DYM: variants seen among roughly 807,000 people sequenced by gnomAD.
DYM encodes dyggve-Melchior-Clausen syndrome protein.
Under a neutral mutation model 93.1 loss-of-function variants are expected in DYM, and 78 were observed. That is an observed-to-expected ratio of 0.84 (90% CI 0.70 to 1.01). The LOEUF (loss-of-function observed/expected upper bound fraction) is 1.01, where lower values mean the gene tolerates loss of function less well. DYM is among the 50% of genes least tolerant of loss of function. The pLI, the probability that DYM is intolerant of heterozygous loss-of-function variation, is 0.00. For missense variants in DYM, 789 were observed against 845.0 expected (o/e 0.93, Z 0.82); for synonymous variants, 321 against 319.7 (o/e 1.00, Z -0.04).
intron 14 of DYM, among the ~76,000 whole-genome samples, chr18:49,200,457 T>G (rs770746691): frequency 7.2e-5 from 11 of 151,878 alleles, no homozygotes; most frequent in Non-Finnish European, 1.0e-4. Context: ...AAAATAGCAG[T>G]ATAGAAGCTT....
chr18:49,460,007 C>T (rs1373733300), intron 1 of DYM, among the ~76,000 whole-genome samples: 2 of 152,024 alleles, frequency 1.3e-5, no homozygotes, highest in Non-Finnish European at 2.9e-5. Flanking sequence ...CTGAGTTGTA[C>T]TTTTAAAGGG....
chr18:49,292,761 T>A (rs1465898774), intron 8 of DYM, among the ~76,000 whole-genome samples: 2 of 152,070 alleles, frequency 1.3e-5, no homozygotes, highest in Non-Finnish European at 2.9e-5. Flanking sequence ...ACTCCTAAAA[T>A]CCATCTAACT....
chr18:49,386,945 CTTTTT>C (rs575238087), intron 3 of DYM, among the ~76,000 whole-genome samples: 1 of 138,366 alleles, frequency 7.2e-6, no homozygotes, highest in Non-Finnish European at 1.6e-5. Context: ...TATTTATTTA[CTTTTT>C]TTTTTTTTTT....
In DYM at chr18:49,340,338, T is replaced by TA. The variant is rs766317615; in HGVS notation, c.495-6486dup. Among the ~76,000 whole-genome samples the TA allele has an allele frequency of 7.2e-3, 1,077 of 150,244 alleles. 13 individuals carry two copies. Among genetic ancestry groups the TA allele is most frequent in the African/African-American group, 0.022 (918 of 40,858 alleles). On this transcript the variant is annotated intron_variant, in intron 6 of 17. Coordinates refer to ENST00000675505, the MANE Select transcript of DYM (RefSeq NM_001353214.3). ...AAAAACAGTTTTGAGAGGAAAAAAGTAAAAAAAAACAGAATGAGTTCTATA... is the reference window on the plus strand; with the variant it reads ...AAAAACAGTTTTGAGAGGAAAAAAGTAAAAAAAAAACAGAATGAGTTCTATA...
intron 6 of DYM, among the ~76,000 whole-genome samples, chr18:49,348,322 G>T (rs1331867924): frequency 2.0e-5 from 3 of 152,078 alleles, no homozygotes; most frequent in Non-Finnish European, 4.4e-5. Flanking sequence ...TATGGGGAAA[G>T]ACTAAAAAAT....
intron 8 of DYM, among the ~76,000 whole-genome samples, chr18:49,296,654 T>C (rs547130623): frequency 2.5e-3 from 386 of 152,326 alleles, no homozygotes; most frequent in Non-Finnish European, 4.3e-3. Context: ...CATTGGTTGA[T>C]GGACTTTTTA....
At chr18:49,379,219 A>G (rs2067805682) in intron 4 of DYM, among the ~76,000 whole-genome samples, 1 of 152,172 alleles carries the variant, frequency 6.6e-6, no homozygotes, top group African/African-American at 2.4e-5. Context: ...CTTTTCAGAG[A>G]CTGACATCCA....
At chr18:49,413,602 T>TA (rs1472209567) in intron 2 of DYM, among the ~76,000 whole-genome samples, 1 of 152,228 alleles carries the variant, frequency 6.6e-6, no homozygotes, top group African/African-American at 2.4e-5. Context: ...TTTAAAAGGA[T>TA]AAGAGTACAG....
chr18:49,101,349 T>C (rs2080118148), intron 16 of DYM, among the ~76,000 whole-genome samples: 1 of 152,198 alleles, frequency 6.6e-6, no homozygotes, highest in South Asian at 2.1e-4. Context: ...TGGCTGTAAC[T>C]CATGAAATCC....
intron 2 of DYM, among the ~76,000 whole-genome samples, chr18:49,404,442 A>T (rs1228713680): frequency 6.6e-6 from 1 of 152,188 alleles, no homozygotes; most frequent in African/African-American, 2.4e-5. Context: ...ACCCAGTAAT[A>T]GGATTGCTGG....
intron 13 of DYM, among the ~76,000 whole-genome samples, chr18:49,242,631 G>A (rs774839281): frequency 2.0e-5 from 3 of 152,108 alleles, no homozygotes; most frequent in Non-Finnish European, 4.4e-5. Context: ...GAAGTTTTGC[G>A]TCTTCTGTAG....
intron 8 of DYM, among the ~76,000 whole-genome samples, chr18:49,293,457 T>A (rs2060308239): frequency 6.6e-6 from 1 of 152,222 alleles, no homozygotes; most frequent in African/African-American, 2.4e-5. Flanking sequence ...TATAAAAGCA[T>A]TCCTATTTCT....
chr18:49,095,782 A>C (rs1331850355), intron 17 of DYM, among the ~76,000 whole-genome samples: 1 of 152,242 alleles, frequency 6.6e-6, no homozygotes, highest in Non-Finnish European at 1.5e-5. Context: ...ATAAATGAAC[A>C]AATATTAACA....
chr18:49,317,636 A>ATCCTCTCCTCTCCTCTCCTC (rs139998820), intron 8 of DYM, among the ~76,000 whole-genome samples: 2 of 39,112 alleles, frequency 5.1e-5, no homozygotes, highest in Non-Finnish European at 8.9e-5. Flanking sequence ...TCCCTCTCCT[A>ATCCTCTCCTCTCCTCTCCTC]TCCTCTCCTC....
At position 49,282,194 on chromosome 18, in the gene DYM, C is replaced by T. The variant is rs1190723966; in HGVS notation, c.947-19G>A. On this transcript the variant is annotated intron_variant, in intron 9 of 17. Coordinates refer to ENST00000675505, the MANE Select transcript of DYM (RefSeq NM_001353214.3). The stretch of plus-strand genomic sequence containing the variant: ...CTGCTATCTGGAATACAGAAAACAG[C>T]ACATCAGTAATTTCTAGCTGTGCTT... 6.2e-7 allele frequency: 1 copy of T among 1,607,110 alleles called. No individual in the cohort carries two copies. Among genetic ancestry groups the T allele is most frequent in the Admixed American group, 1.7e-5 (1 of 59,998 alleles).
chr18:49,225,819 T>C (rs1182372074), intron 13 of DYM, among the ~76,000 whole-genome samples: 1 of 152,126 alleles, frequency 6.6e-6, no homozygotes, highest in Admixed American at 6.6e-5. Context: ...AACCTGAACA[T>C]TTGTAGAAAC....
At chr18:49,177,708 C>T (rs2089532260) in intron 14 of DYM, among the ~76,000 whole-genome samples, 1 of 152,042 alleles carries the variant, frequency 6.6e-6, no homozygotes, top group South Asian at 2.1e-4. Flanking sequence ...ACACATTTTT[C>T]CCATGTCTTC....
chr18:49,162,270 C>G (rs1237422367), intron 15 of DYM, among the ~76,000 whole-genome samples: 1 of 152,096 alleles, frequency 6.6e-6, no homozygotes, highest in Admixed American at 6.6e-5. Context: ...ATACCTGAAA[C>G]TAGGTAATTT....
intron 8 of DYM, among the ~76,000 whole-genome samples, chr18:49,326,899 C>T (rs2062920155): frequency 6.6e-6 from 1 of 151,734 alleles, no homozygotes; most frequent in African/African-American, 2.4e-5. Context: ...GTAGCATAAG[C>T]GATATCCTCT....
Sources: allele counts gnomAD v4.1 joint callset (sites outside exome capture counted in the v4.1 genomes callset), GRCh38; gene constraint gnomAD v4.1.1; transcripts MANE v1.5; gene names NCBI Gene and HGNC (gene_info 2026-07-23, HGNC 2026-07-21).